The following SLC41A1 variants were observed in gnomAD, a reference collection of about 807,000 sequenced individuals.
SLC41A1 encodes the protein solute carrier family 41 (magnesium transporter), member 1.
A neutral mutation model predicts 47.3 loss-of-function variants in SLC41A1; 20 were observed. That is an observed-to-expected ratio of 0.42 (90% CI 0.30 to 0.61). SLC41A1 has a LOEUF of 0.61. Among genes scored for constraint, SLC41A1 ranks in the 20% least tolerant of loss-of-function variants. The pLI, the probability that SLC41A1 is intolerant of heterozygous loss-of-function variation, is 0.17. For missense variants in SLC41A1, 504 were observed against 674.1 expected (o/e 0.75, Z 2.79); for synonymous variants, 282 against 272.7 (o/e 1.03, Z -0.34).
intron 2 of SLC41A1, among the ~76,000 whole-genome samples, chr1:205,808,020 A>C (rs954516972): frequency 1.3e-5 from 2 of 150,574 alleles, no homozygotes; most frequent in African/African-American, 4.9e-5. Flanking sequence ...CAGTGGCACG[A>C]TCTTGGCTCA....
rs1048043405 is a variant in SLC41A1 at position 205,795,388 on chromosome 1, G to A, written c.1163C>T (p.Ala388Val). The A allele has an allele frequency of 1.9e-6, 3 of 1,614,220 alleles. No homozygotes were observed. The highest frequency in any genetic ancestry group is 2.5e-6 in the Non-Finnish European group (3 of 1,180,044). Residue 388 changes from alanine (A) to valine (V), a missense_variant, in exon 9 of 11, where the codon GCT becomes GTT. Physicochemically the swap from Ala to Val is moderately conservative, Grantham distance 64. This residue lies in a region of SLC41A1 where 421 missense variants were observed against 601.6 expected (regional missense o/e 0.70). Coordinates refer to ENST00000367137, the MANE Select transcript of SLC41A1 (RefSeq NM_173854.6). ...NGMPGENSEQAPRRCPSPCTT... is the reference protein window; with the variant it reads ...NGMPGENSEQVPRRCPSPCTT... ...ACAAGGACTGGGACAGCGGCGAGGA[G>A]CTTGCTCAGAGTTCTCTCCGGGCAT...
chr1:205,796,502 TTC>T (rs1416309561), intron 8 of SLC41A1: 1 of 248,852 alleles, frequency 4.0e-6, no homozygotes, highest in African/African-American at 2.3e-5. Context: ...CCAGTTTTCC[TTC>T]TGTTTCTCCA....
At chr1:205,793,276 C>A (rs1655666167) in intron 10 of SLC41A1, among the ~76,000 whole-genome samples, 1 of 152,220 alleles carries the variant, frequency 6.6e-6, no homozygotes, top group Non-Finnish European at 1.5e-5. Context: ...GATCAAGTGT[C>A]ACGCTCTGGC....
In SLC41A1 at chr1:205,791,809, G is replaced by A. The variant is rs2102499122; in HGVS notation, c.1357-91C>T. ...GATCAGACCCATTCAGTGCATCACA[G>A]GGCTTGGCTGGCCATAATCCTTACT... On this transcript the variant is annotated intron_variant, in intron 10 of 10. Transcript: ENST00000367137. This position sits in a 1 kb window ranked among gnomAD's most constrained non-coding sequence, Gnocchi z 4.0. The A allele has an allele frequency of 2.7e-6, 4 of 1,492,944 alleles. No individual in the cohort carries two copies. The highest frequency in any genetic ancestry group is 3.7e-6 in the Non-Finnish European group (4 of 1,090,492). The allele number at this position is 1,492,944 out of a possible 1,614,324, so 92.5% of individuals were successfully genotyped here.
Position 205,798,655 on chromosome 1 carries a change from T to G in SLC41A1, c.844+14A>C. 5 of 1,614,132 alleles carry G rather than the reference T, an allele frequency of 3.1e-6. No individual in the cohort carries two copies. The highest frequency in any genetic ancestry group is 4.2e-6 in the Non-Finnish European group (5 of 1,180,012). Reference sequence around the variant, plus strand: ...CACCCAGGACTCCAAGAAGCCACACTCTTGGTGGCTCACTCAGTTCCAGGT... The same window carrying G: ...CACCCAGGACTCCAAGAAGCCACACGCTTGGTGGCTCACTCAGTTCCAGGT... On this transcript the variant is annotated intron_variant, in intron 6 of 10. Transcript: ENST00000367137.
intron 2 of SLC41A1, among the ~76,000 whole-genome samples, chr1:205,802,210 T>C (rs766672698): frequency 2.8e-4 from 43 of 152,126 alleles, no homozygotes; most frequent in Non-Finnish European, 5.6e-4. Context: ...CCAAGCACTA[T>C]GTTTGGCAAG....
intron 2 of SLC41A1, among the ~76,000 whole-genome samples, chr1:205,806,200 C>G (rs904909028): frequency 6.6e-6 from 1 of 152,218 alleles, no homozygotes; most frequent in African/African-American, 2.4e-5. Flanking sequence ...GGGTCCCTGA[C>G]AGCAGGCAGG....
chr1:205,799,695 G>A, intron 4 of SLC41A1, 64 bp downstream of exon 4: 1 of 1,558,356 alleles, frequency 6.4e-7, no homozygotes, highest in South Asian at 1.1e-5. Flanking sequence ...GCTGACCTAA[G>A]CCTTTCAGAG....
In SLC41A1 at chr1:205,810,097, A is replaced by G. The variant is rs774441483; in HGVS notation, c.345T>C (p.Ala115=). 6.2e-7 allele frequency: 1 copy of G among 1,614,240 alleles called. No individual in the cohort carries two copies. Among genetic ancestry groups the G allele is most frequent in the East Asian group, 2.2e-5 (1 of 44,884 alleles). ...PFLLAGFGTV[A]AGMVLDIVQH... ...GCACGATGTCCAACACCATGCCAGC[A>G]GCCACGGTCCCAAAGCCTGCCAGGA... The change falls in exon 2 of 11, where the codon GCT becomes GCC. Residue 115 remains alanine, a synonymous_variant. Coordinates refer to ENST00000367137, the MANE Select transcript of SLC41A1 (RefSeq NM_173854.6). The surrounding 1 kb of genome is among the most constrained non-coding windows in gnomAD (Gnocchi z 5.5).
At position 205,812,852 on chromosome 1, in the gene SLC41A1, C is replaced by T. The variant is rs1571655538; in HGVS notation, c.-691G>A. The T allele has an allele frequency of 3.0e-6, 3 of 985,258 alleles. No homozygotes were observed. The highest frequency in any genetic ancestry group is 3.6e-6 in the Non-Finnish European group (3 of 829,882). The allele number at this position is 985,258 out of a possible 1,614,324, so 61.0% of individuals were successfully genotyped here. On this transcript the variant is annotated 5_prime_UTR_variant, in exon 1 of 11. Transcript: ENST00000367137. ...AAGGGGGGCGCCTGGCAAGTGGCAG[C>T]GTGGCCCGTGGTCTCGGGGGGTGCA... is the stretch of plus-strand genomic sequence containing the variant.
At chr1:205,803,377 T>C (rs894193764) in intron 2 of SLC41A1, among the ~76,000 whole-genome samples, 54 of 152,210 alleles carry the variant, frequency 3.5e-4, no homozygotes, top group African/African-American at 1.3e-3. Flanking sequence ...CCCATGTTCA[T>C]AGTAGCACTA....
At position 205,791,745 on chromosome 1, in the gene SLC41A1, T is replaced by C. The variant is rs761250849; in HGVS notation, c.1357-27A>G. 14 of 1,611,072 alleles carry C rather than the reference T, an allele frequency of 8.7e-6. No individual in the cohort carries two copies. The highest frequency in any genetic ancestry group is 1.2e-5 in the Non-Finnish European group (14 of 1,179,376). On this transcript the variant is annotated intron_variant, in intron 10 of 10. Coordinates refer to ENST00000367137, the MANE Select transcript of SLC41A1 (RefSeq NM_173854.6). This position sits in a 1 kb window ranked among gnomAD's most constrained non-coding sequence, Gnocchi z 4.0. ...TGGGGAGACAAAAGGGCCCAGCCTA[T>C]AGCCATCCTCTCTCTCCAGGGGGAG...
intron 2 of SLC41A1, among the ~76,000 whole-genome samples, chr1:205,805,701 G>A (rs1170200731): frequency 1.3e-5 from 2 of 152,132 alleles, no homozygotes; most frequent in African/African-American, 4.8e-5. Context: ...GTATTCTGCA[G>A]GTGAGGGAAT....
chr1:205,802,675 A>G (rs1317251606), intron 2 of SLC41A1, among the ~76,000 whole-genome samples: 3 of 150,600 alleles, frequency 2.0e-5, no homozygotes, highest in Non-Finnish European at 4.4e-5. Context: ...CCAAGATCGC[A>G]CCACTGCACT....
chr1:205,795,246 G>C, intron 9 of SLC41A1, 98 bp downstream of exon 9: 4 of 1,576,092 alleles, frequency 2.5e-6, no homozygotes, highest in Non-Finnish European at 3.5e-6. Context: ...CAGAGAAGGA[G>C]AACCTGTGGA....
intron 10 of SLC41A1, among the ~76,000 whole-genome samples, chr1:205,794,444 G>A (rs771661101): frequency 1.8e-4 from 28 of 152,188 alleles, no homozygotes; most frequent in Non-Finnish European, 3.7e-4. Flanking sequence ...ATTATCTAGT[G>A]CAGTGGTTTT....
chr1:205,803,529 A>G (rs1655938962), intron 2 of SLC41A1, among the ~76,000 whole-genome samples: 1 of 152,218 alleles, frequency 6.6e-6, no homozygotes, highest in Admixed American at 6.5e-5. Context: ...ATATGCCACA[A>G]CATGGATGAA....
chr1:205,800,430 T>C (rs1655852742), intron 3 of SLC41A1, among the ~76,000 whole-genome samples: 2 of 152,182 alleles, frequency 1.3e-5, no homozygotes, highest in South Asian at 2.1e-4. Context: ...CCCGGAATCG[T>C]CACGGCTCAC....
chr1:205,805,462 C>A (rs993066490), intron 2 of SLC41A1, among the ~76,000 whole-genome samples: 1 of 152,134 alleles, frequency 6.6e-6, no homozygotes, highest in Non-Finnish European at 1.5e-5. Context: ...CCAAATTCAG[C>A]CCCATCCTGT....
Sources: allele counts gnomAD v4.1 joint callset (sites outside exome capture counted in the v4.1 genomes callset), GRCh38; gene constraint gnomAD v4.1.1; regional missense constraint gnomAD v4.1.1; non-coding constraint Gnocchi (gnomAD v3.1); transcripts MANE v1.5; gene names NCBI Gene and HGNC (gene_info 2026-07-23, HGNC 2026-07-21).